Variants in SLC34A2 observed in about 807,000 individuals in gnomAD.
The protein encoded by SLC34A2 is solute carrier family 34 member 2, also known as sodium-dependent phosphate transport protein 2B.
SLC34A2 carries 41 observed loss-of-function variants against 50.8 expected under a neutral mutation model. That is an observed-to-expected ratio of 0.81 (90% CI 0.63 to 1.05). The LOEUF (loss-of-function observed/expected upper bound fraction) is 1.05, where lower values mean the gene tolerates loss of function less well. Ranked by LOEUF, SLC34A2 falls within the 50% of genes least tolerant of loss-of-function variation. The pLI is 0.00. For missense variants in SLC34A2, 879 were observed against 876.7 expected, an observed-to-expected ratio of 1.00 and a Z score of -0.03; for synonymous variants, 401 against 364.2, an observed-to-expected ratio of 1.10 and a Z score of -1.15.
intron 1 of SLC34A2, among the ~76,000 whole-genome samples, chr4:25,658,614 G>T (rs764215142): frequency 6.6e-6 from 1 of 152,206 alleles, no homozygotes; most frequent in African/African-American, 2.4e-5. Flanking sequence ...GTGCCCATGT[G>T]GTGCAGGAAG....
rs751159812 is a variant in SLC34A2 at position 25,671,595 on chromosome 4, A to T, written c.928-6A>T. On this transcript the variant is annotated splice_polypyrimidine_tract_variant and splice_region_variant and intron_variant, in intron 8 of 12. Coordinates refer to ENST00000382051, the MANE Select transcript of SLC34A2 (RefSeq NM_006424.3). The stretch of plus-strand genomic sequence containing the variant: ...GTTGTGGGCATTTGTCATGTTTGTC[A>T]TCCAGACCCAGATTAACGTCACTGT... 1.9e-5 allele frequency: 31 copies of T among 1,614,048 alleles called. No homozygotes were observed. Among genetic ancestry groups the T allele is most frequent in the Non-Finnish European group, 2.3e-5 (27 of 1,180,000 alleles).
chr4:25,676,547 T>C lies in SLC34A2; in HGVS notation c.1871T>C (p.Val624Ala), dbSNP rs1560243859. 3 of 1,612,556 alleles carry C rather than the reference T, an allele frequency of 1.9e-6. No homozygotes were observed. The highest frequency in any genetic ancestry group is 2.2e-5 in the South Asian group (2 of 91,046). Residue 624 changes from valine to alanine, a missense_variant, in exon 13 of 13, where the codon GTG (valine) becomes GCG (alanine). By Grantham distance (64) the Val-to-Ala change is moderately conservative. Coordinates refer to ENST00000382051, the MANE Select transcript of SLC34A2 (RefSeq NM_006424.3). ...FQMRCCCCCR[V>A]CCRACCLLCD... ...ATGCGCTGCTGCTGCTGCTGCCGCG[T>C]GTGCTGCCGCGCGTGCTGCTTGCTG...
In SLC34A2 at chr4:25,671,640, A is replaced by C; in HGVS notation, c.967A>C (p.Thr323Pro). The C allele has an allele frequency of 6.2e-7, 1 of 1,613,798 alleles. No individual in the cohort carries two copies. The highest frequency in any genetic ancestry group is 8.5e-7 in the Non-Finnish European group (1 of 1,179,996). Reference sequence around the variant, plus strand: ...CACTGTTCCCTCGACTGCTAACTGCACCTCCCCTTCCCTCTGTTGGACGGA... The same window carrying C: ...CACTGTTCCCTCGACTGCTAACTGCCCCTCCCCTTCCCTCTGTTGGACGGA... ...NVTVPSTANC[T>P]SPSLCWTDGI... The change falls in exon 9 of 13, where the codon ACC (threonine) becomes CCC (proline). Residue 323 changes from threonine (T) to proline (P), a missense_variant. Coordinates refer to ENST00000382051, the MANE Select transcript of SLC34A2 (RefSeq NM_006424.3).
chr4:25,658,845 G>C (rs1044385194), intron 1 of SLC34A2, among the ~76,000 whole-genome samples: 18 of 152,086 alleles, frequency 1.2e-4, no homozygotes, highest in Non-Finnish European at 2.4e-4. Context: ...TAGGAGAAAG[G>C]CTTAGAGGGG....
In SLC34A2 at chr4:25,676,435, C is replaced by T; in HGVS notation, c.1759C>T (p.Leu587Phe). The T allele has an allele frequency of 1.2e-6, 2 of 1,614,164 alleles. No individual in the cohort carries two copies. Among genetic ancestry groups the T allele is most frequent in the Non-Finnish European group, 1.7e-6 (2 of 1,180,004 alleles). ...SRCPRVLPKKLQNWNFLPLWM... is the reference protein window; with the variant it reads ...SRCPRVLPKKFQNWNFLPLWM... ...CTGCCCACGCGTCCTGCCGAAGAAACTCCAGAACTGGAACTTCCTGCCGCT... is the reference window on the plus strand; with the variant it reads ...CTGCCCACGCGTCCTGCCGAAGAAATTCCAGAACTGGAACTTCCTGCCGCT... Residue 587 changes from leucine to phenylalanine, a missense_variant, in exon 13 of 13, where the codon CTC becomes TTC. By Grantham distance (22) the Leu-to-Phe change is conservative. Transcript: ENST00000382051.
At position 25,669,656 on chromosome 4, in the gene SLC34A2, A is replaced by G. The variant is rs1280777874; in HGVS notation, c.645A>G (p.Ala215=). ...GDRSEFRRAF[A]GATVHDFFNW... ...GGTTTCCCTCCCATAGAGCTTTTGC[A>G]GGAGCCACTGTCCATGACTTCTTCA... The change falls in exon 7 of 13, where the codon GCA becomes GCG. Residue 215 remains alanine, a synonymous_variant. Transcript: ENST00000382051. The G allele has an allele frequency of 1.2e-6, 2 of 1,613,850 alleles. No homozygotes were observed. The highest frequency in any genetic ancestry group is 2.7e-5 in the African/African-American group (2 of 74,914).
At chr4:25,656,652 G>A (rs1357840217) in intron 1 of SLC34A2, 2 of 152,332 alleles carry the variant, frequency 1.3e-5, no homozygotes, top group Non-Finnish European at 2.9e-5. Flanking sequence ...CAGAAAGTTG[G>A]GGGCTGCATG....
rs116358149 is a variant in SLC34A2, at chr4:25,676,472, C to A, written c.1796C>A (p.Ser599Ter). 2.5e-6 allele frequency: 4 copies of A among 1,614,080 alleles called. No individual in the cohort carries two copies. The highest frequency in any genetic ancestry group is 2.2e-5 in the East Asian group (1 of 44,876). The change falls in exon 13 of 13, where the codon TCG becomes TAG. Residue 599 changes from serine (S) to a stop codon, truncating the protein, a stop_gained. Transcript: ENST00000382051. LOFTEE classifies it low-confidence loss of function (END_TRUNC). ...NWNFLPLWMR[S>*]LKPWDAVVSK... is the part of the protein sequence containing the mutation. ...AACTTCCTGCCGCTGTGGATGCGCT[C>A]GCTGAAGCCCTGGGATGCCGTCGTC... is the stretch of plus-strand genomic sequence containing the variant.
chr4:25,662,698 G>C lies in SLC34A2; in HGVS notation c.113-7G>C. The C allele has an allele frequency of 6.2e-7, 1 of 1,614,102 alleles. No homozygotes were observed. Among genetic ancestry groups the C allele is most frequent in the Non-Finnish European group, 8.5e-7 (1 of 1,180,022 alleles). ...TGATTCCTCATTACCCCTTTTGCTT[G>C]TTTCAGCAGATAACACTGAGGCACC... On this transcript the variant is annotated splice_region_variant and splice_polypyrimidine_tract_variant and intron_variant, in intron 2 of 12. Transcript: ENST00000382051.
chr4:25,667,813 T>A lies in SLC34A2; in HGVS notation c.524-67T>A, dbSNP rs1452634657. The A allele has an allele frequency of 4.1e-6, 4 of 975,160 alleles. No individual in the cohort carries two copies. In the Admixed American group the frequency reaches 5.4e-5, roughly 13 times the overall value. 60.4% of individuals were successfully genotyped at this position (975,160 alleles called of 1,614,324 possible). The stretch of plus-strand genomic sequence containing the variant: ...ACTACTTCTTTAGAGGATACCAGCA[T>A]AGGTAACTTTAGCCTGCCTCCAGGC... On this transcript the variant is annotated intron_variant, in intron 5 of 12. Coordinates refer to ENST00000382051, the MANE Select transcript of SLC34A2 (RefSeq NM_006424.3).
At position 25,676,851 on chromosome 4, in the gene SLC34A2, T is replaced by G. The variant is rs1715163688; in HGVS notation, c.*102T>G. The G allele has an allele frequency of 3.3e-6, 5 of 1,527,948 alleles. No homozygotes were observed. Among genetic ancestry groups the G allele is most frequent in the Non-Finnish European group, 4.5e-6 (5 of 1,114,700 alleles). 94.6% of individuals were successfully genotyped at this position (1,527,948 alleles called of 1,614,324 possible). Reference sequence around the variant, plus strand: ...CTTTCACCACCTCGAGGAGATTTGCTCCCCATTAGCGAATGAAATTGATGC... The same window carrying G: ...CTTTCACCACCTCGAGGAGATTTGCGCCCCATTAGCGAATGAAATTGATGC... On this transcript the variant is annotated 3_prime_UTR_variant, in exon 13 of 13. Coordinates refer to ENST00000382051, the MANE Select transcript of SLC34A2 (RefSeq NM_006424.3).
intron 1 of SLC34A2, among the ~76,000 whole-genome samples, chr4:25,659,707 G>T (rs1016027587): frequency 2.6e-5 from 4 of 152,280 alleles, no homozygotes; most frequent in African/African-American, 4.8e-5. Context: ...GTGGCTCAGG[G>T]TTGCATATAG....
At position 25,676,987 on chromosome 4, in the gene SLC34A2, C is replaced by T; in HGVS notation, c.*238C>T. ...TACTCCAGGAAGGCACAGGATGGTA[C>T]CTAAAGAGAATTAGAGAATGAACCT... On this transcript the variant is annotated 3_prime_UTR_variant, in exon 13 of 13. Transcript: ENST00000382051. 1 of 572,902 alleles carries T rather than the reference C, an allele frequency of 1.7e-6. No individual in the cohort carries two copies. Among genetic ancestry groups the T allele is most frequent in the South Asian group, 2.1e-5 (1 of 46,710 alleles). The allele number at this position is 572,902 out of a possible 1,614,324, so 35.5% of individuals were successfully genotyped here. A position where few individuals can be genotyped will look rare whatever the true frequency, so the allele number is the denominator to read the frequency against.
intron 1 of SLC34A2, among the ~76,000 whole-genome samples, chr4:25,661,975 C>T (rs149186593): frequency 0.017 from 2,601 of 151,806 alleles, 38 homozygotes; most frequent in Non-Finnish European, 0.027. Flanking sequence ...CAGGTTCAAG[C>T]GATTCTCCTG....
At chr4:25,660,316 T>A (rs1560233815) in intron 1 of SLC34A2, among the ~76,000 whole-genome samples, 3 of 152,190 alleles carry the variant, frequency 2.0e-5, no homozygotes, top group Admixed American at 6.5e-5. Flanking sequence ...CAGAGTAAGT[T>A]AGGTATTTCT....
At position 25,671,710 on chromosome 4, in the gene SLC34A2, A is replaced by T; in HGVS notation, c.1037A>T (p.Asn346Ile). The T allele has an allele frequency of 2.5e-6, 4 of 1,614,226 alleles. No individual in the cohort carries two copies. The highest frequency in any genetic ancestry group is 3.4e-6 in the Non-Finnish European group (4 of 1,180,042). Residue 346 changes from asparagine to isoleucine, a missense_variant, in exon 9 of 13, where the codon AAC becomes ATC. Coordinates refer to ENST00000382051, the MANE Select transcript of SLC34A2 (RefSeq NM_006424.3). ...WTMKNVTYKE[N>I]IAKCQHIFVN... ...ATGAAGAATGTGACCTACAAGGAGA[A>T]CATCGCCAAATGTGAGTGGAGCTCA...
chr4:25,675,217 G>C (rs10049903), intron 12 of SLC34A2, among the ~76,000 whole-genome samples: 40,876 of 151,994 alleles, frequency 0.27, 6,451 homozygotes, highest in East Asian at 0.58. Flanking sequence ...ATTTTTAGTA[G>C]AGACGGGGTT....
rs1340059498 is a variant in SLC34A2 at position 25,677,250 on chromosome 4, C to T, written c.*501C>T. 5.8e-6 allele frequency: 1 copy of T among 172,054 alleles called. No individual in the cohort carries two copies. Among genetic ancestry groups the T allele is most frequent in the Non-Finnish European group, 1.3e-5 (1 of 78,152 alleles). The allele number at this position is 172,054 out of a possible 1,614,324, so 10.7% of individuals were successfully genotyped here. On this transcript the variant is annotated 3_prime_UTR_variant, in exon 13 of 13. Coordinates refer to ENST00000382051, the MANE Select transcript of SLC34A2 (RefSeq NM_006424.3). ...CTCCTTGCCCCAGATCAGCCTGGGT[C>T]AGGGGACATAGTGTCATTGTTTGGA...
chr4:25,676,116 C>G lies in SLC34A2; in HGVS notation c.1459-19C>G, dbSNP rs762557955. Reference sequence around the variant, plus strand: ...ATTGGGCAACAGGCCCCTCACCTGTCCAACCTCTTGTGTTGCAGATCGCCC... The same window carrying G: ...ATTGGGCAACAGGCCCCTCACCTGTGCAACCTCTTGTGTTGCAGATCGCCC... On this transcript the variant is annotated intron_variant, in intron 12 of 12. Transcript: ENST00000382051. 6.2e-7 allele frequency: 1 copy of G among 1,613,658 alleles called. No homozygotes were observed. Among genetic ancestry groups the G allele is most frequent in the South Asian group, 1.1e-5 (1 of 91,060 alleles).
Sources: gnomAD v4.1 joint callset for allele counts (sites outside exome capture counted in the v4.1 genomes callset) on GRCh38, gnomAD v4.1.1 for gene constraint, MANE v1.5 for transcripts, NCBI Gene and HGNC (gene_info 2026-07-23, HGNC 2026-07-21) for gene names.